OXTR: variants seen among roughly 807,000 people sequenced by gnomAD.
The protein encoded by OXTR is oxytocin receptor.
Under a neutral mutation model 23.9 loss-of-function variants are expected in OXTR, and 19 were observed. That is an observed-to-expected ratio of 0.80 (90% CI 0.56 to 1.17). The LOEUF is 1.17. OXTR is among the 50% of genes most tolerant of loss of function. OXTR has a pLI of 0.00. For synonymous variants in OXTR, 278 were observed against 250.5 expected (o/e 1.11, Z -1.04); for missense variants, 500 against 550.7 (o/e 0.91, Z 0.92).
rs1169252575 is a variant in OXTR, at chr3:8,768,090, C to T, written c.98G>A (p.Arg33Gln). The T allele has an allele frequency of 6.2e-6, 9 of 1,459,080 alleles. No homozygotes were observed. The Admixed American group carries it at 2.2e-4, about 36-fold the overall frequency. The allele number at this position is 1,459,080 out of a possible 1,614,324, so 90.4% of individuals were successfully genotyped here. ...AEGNRTAGPP[R>Q]RNEALARVEV... is the part of the protein sequence containing the mutation. ...CACGCGCGCCAGGGCCTCGTTGCGC[C>T]GCGGGGGTCCGGCGGTGCGGTTGCC... Residue 33 changes from arginine to glutamine, a missense_variant, in exon 3 of 4, where the codon CGG becomes CAG. Coordinates refer to ENST00000316793, the MANE Select transcript of OXTR (RefSeq NM_000916.4). The surrounding 1 kb of genome is among the most constrained non-coding windows in gnomAD (Gnocchi z 5.4).
chr3:8,741,427 TA>T, the OXTR span, among the ~76,000 whole-genome samples: 1 of 152,156 alleles, frequency 6.6e-6, no homozygotes, highest in African/African-American at 2.4e-5. Context: ...AGCAAGGTAA[TA>T]GGGGAGGAAG....
In OXTR at chr3:8,768,438, C is replaced by T; in HGVS notation, c.-143+58G>A. 2.1e-6 allele frequency: 1 copy of T among 478,390 alleles called. No homozygotes were observed. The highest frequency in any genetic ancestry group is 3.2e-6 in the Non-Finnish European group (1 of 314,958). The allele number at this position is 478,390 out of a possible 1,614,324, so 29.6% of individuals were successfully genotyped here. A position where few individuals can be genotyped will look rare whatever the true frequency, so the allele number is the denominator to read the frequency against. The stretch of plus-strand genomic sequence containing the variant: ...ACCCAACTCATCTGAAACAACAGGG[C>T]ACAACCGCCGGCCTCGGGTTGCTCA... On this transcript the variant is annotated intron_variant, in intron 2 of 3. Transcript: ENST00000316793. This position sits in a 1 kb window ranked among gnomAD's most constrained non-coding sequence, Gnocchi z 5.4.
downstream of OXTR, among the ~76,000 whole-genome samples, chr3:8,749,657 A>G (rs1039489324): frequency 2.6e-5 from 4 of 152,178 alleles, no homozygotes; most frequent in Non-Finnish European, 5.9e-5. Context: ...CTCTTCGTGC[A>G]TGTCCCAGCA....
At chr3:8,759,419 G>T (rs980388956) in intron 3 of OXTR, among the ~76,000 whole-genome samples, 5 of 152,112 alleles carry the variant, frequency 3.3e-5, no homozygotes, top group African/African-American at 1.2e-4. Flanking sequence ...GTGTCTTATT[G>T]GTAGCTCCGT....
At chr3:8,763,447 A>C (rs1708533974) in intron 3 of OXTR, among the ~76,000 whole-genome samples, 1 of 152,136 alleles carries the variant, frequency 6.6e-6, no homozygotes, top group Non-Finnish European at 1.5e-5. Flanking sequence ...AATCCTGTCC[A>C]CCGCACCCAA....
In OXTR at chr3:8,767,984, G is replaced by A; in HGVS notation, c.204C>T (p.Arg68=). Residue 68 remains arginine, a synonymous_variant, in exon 3 of 4, where the codon CGC becomes CGT. Coordinates refer to ENST00000316793, the MANE Select transcript of OXTR (RefSeq NM_000916.4). The part of the protein sequence containing the change: ...ACVLLALRTT[R]QKHSRLFFFM... ...AGAAGAAGAGGCGCGAGTGCTTCTG[G>A]CGTGTGGTGCGCAGCGCCAGCAGCA... is the stretch of plus-strand genomic sequence containing the variant. 1 of 1,611,792 alleles carries A rather than the reference G, an allele frequency of 6.2e-7. No homozygotes were observed. Among genetic ancestry groups the A allele is most frequent in the Non-Finnish European group, 8.5e-7 (1 of 1,179,254 alleles).
At chr3:8,746,793 T>TCACACACACA (rs1476806796), downstream of OXTR, 5 of 108,382 alleles carry the variant, frequency 4.6e-5, no homozygotes, top group African/African-American at 2.1e-4. Context: ...ACACTCTCTC[T>TCACACACACA]CTCTCTCACA....
At chr3:8,744,489 G>T in the OXTR span, among the ~76,000 whole-genome samples, 2 of 142,200 alleles carry the variant, frequency 1.4e-5, no homozygotes, top group Non-Finnish European at 1.5e-5. Context: ...GTAGAGACAG[G>T]GTTTCACTGT....
the OXTR span, among the ~76,000 whole-genome samples, chr3:8,744,092 T>C: frequency 6.6e-6 from 1 of 152,076 alleles, no homozygotes; most frequent in African/African-American, 2.4e-5. Flanking sequence ...TGTACCTGCA[T>C]CCACCCCCTT....
chr3:8,760,500 A>G (rs1302932344), intron 3 of OXTR, among the ~76,000 whole-genome samples: 2 of 152,192 alleles, frequency 1.3e-5, no homozygotes, highest in Non-Finnish European at 2.9e-5. Flanking sequence ...TGTTTTTTGG[A>G]GTGAATGACT....
chr3:8,761,033 G>A (rs547507634), intron 3 of OXTR, among the ~76,000 whole-genome samples: 3 of 152,322 alleles, frequency 2.0e-5, no homozygotes, highest in South Asian at 2.1e-4. Context: ...CTAATGGCAC[G>A]TAGCACGTGG....
chr3:8,753,251 A>C (rs761474990), intron 3 of OXTR, 27 bp from the exon 4 acceptor site: 6 of 1,611,114 alleles, frequency 3.7e-6, no homozygotes, highest in South Asian at 1.1e-5. Context: ...AGGAGAAAGG[A>C]GAAAAGGGCA....
the OXTR span, chr3:8,742,501 A>G: frequency 2.2e-6 from 1 of 456,732 alleles, no homozygotes; most frequent in Non-Finnish European, 4.4e-6. Flanking sequence ...ATCAGCACAG[A>G]CTGAGACACA....
chr3:8,761,026 A>G (rs902976856), intron 3 of OXTR, among the ~76,000 whole-genome samples: 1 of 152,234 alleles, frequency 6.6e-6, no homozygotes, highest in East Asian at 1.9e-4. Flanking sequence ...GAGGTTGCTA[A>G]TGGCACGTAG....
intron 3 of OXTR, among the ~76,000 whole-genome samples, chr3:8,761,094 T>C (rs1708475860): frequency 6.6e-6 from 1 of 152,182 alleles, no homozygotes; most frequent in African/African-American, 2.4e-5. Flanking sequence ...AGCTCCTCCC[T>C]GACACACATA....
downstream of OXTR, among the ~76,000 whole-genome samples, chr3:8,747,128 C>T (rs188971810): frequency 4.9e-4 from 75 of 151,812 alleles, no homozygotes; most frequent in African/African-American, 1.7e-3. Context: ...GTCAGGTTTT[C>T]GGAGACATTA....
the OXTR span, among the ~76,000 whole-genome samples, chr3:8,745,244 G>T: frequency 2.0e-5 from 3 of 152,122 alleles, no homozygotes; most frequent in African/African-American, 7.2e-5. The surrounding 1 kb of genome is among the most constrained non-coding windows in gnomAD (Gnocchi z 4.8). Flanking sequence ...TCTAGCCATG[G>T]TTGAAAGCTC....
chr3:8,743,822 A>T, the OXTR span, among the ~76,000 whole-genome samples: 15 of 152,252 alleles, frequency 9.9e-5, no homozygotes, highest in Non-Finnish European at 1.9e-4. Context: ...TACTGGAAAG[A>T]AATGCACCAA....
Position 8,752,697 on chromosome 3 carries a change from C to A in OXTR, c.*280G>T, listed in dbSNP as rs1172952636. The A allele has an allele frequency of 7.5e-6, 3 of 397,510 alleles. No homozygotes were observed. The Admixed American group carries it at 1.2e-4, about 17-fold the overall frequency. The allele number at this position is 397,510 out of a possible 1,614,324, so 24.6% of individuals were successfully genotyped here. A position where few individuals can be genotyped will look rare whatever the true frequency, so the allele number is the denominator to read the frequency against. On this transcript the variant is annotated 3_prime_UTR_variant, in exon 4 of 4. Transcript: ENST00000316793. ...GTAAAAATATACTGGAGTGAAATTA[C>A]AAGTCCAGGAGAAAAAACAAGCCAC...
Sources: gnomAD v4.1 joint callset for allele counts (sites outside exome capture counted in the v4.1 genomes callset) on GRCh38, gnomAD v4.1.1 for gene constraint, Gnocchi (gnomAD v3.1) non-coding constraint, MANE v1.5 for transcripts, NCBI Gene and HGNC (gene_info 2026-07-23, HGNC 2026-07-21) for gene names.